The following CNKSR2 variants were observed in gnomAD, a reference collection of about 807,000 sequenced individuals.
The protein encoded by CNKSR2 is connector enhancer of kinase suppressor of Ras 2, also known as CNK homolog protein 2.
In CNKSR2, 14 loss-of-function variants were observed where a neutral mutation model predicts 84.4. That is an observed-to-expected ratio of 0.17 (90% CI 0.11 to 0.26). CNKSR2 has a LOEUF of 0.26. CNKSR2 is among the 10% of genes least tolerant of loss of function. The pLI is 1.00. For synonymous variants in CNKSR2, 275 were observed against 277.9 expected, an observed-to-expected ratio of 0.99 and a Z score of 0.10; for missense variants, 485 against 771.2, an observed-to-expected ratio of 0.63 and a Z score of 4.40.
chrX:21,570,631 T>G (rs1235549133), intron 13 of CNKSR2, among the ~76,000 whole-genome samples: 1 of 112,119 alleles, frequency 8.9e-6, no homozygotes, highest in African/African-American at 3.2e-5. Context: ...ATTTCTAGCT[T>G]TGATTTAAAG....
At chrX:21,430,361 T>C (rs1288711399) in intron 2 of CNKSR2, among the ~76,000 whole-genome samples, 1 of 111,788 alleles carries the variant, frequency 8.9e-6, no homozygotes, top group African/African-American at 3.2e-5. Context: ...TTTTTACTTA[T>C]AAGAAGATTA....
At chrX:21,648,794 C>CT (rs33962399) in intron 20 of CNKSR2, 37 bp from the exon 21 acceptor site, 52,326 of 288,963 alleles carry the variant, frequency 0.18, 3,286 homozygotes, top group Non-Finnish European at 0.21. Context: ...CTCTCTCTTT[C>CT]TTTTTTTTTT....
intron 5 of CNKSR2, among the ~76,000 whole-genome samples, chrX:21,471,553 G>A (rs2091198795): frequency 8.9e-6 from 1 of 112,181 alleles, no homozygotes; most frequent in Non-Finnish European, 1.9e-5. Context: ...TAAGTTTTAT[G>A]TTTCTGAAAT....
intron 20 of CNKSR2, among the ~76,000 whole-genome samples, chrX:21,617,607 T>A (rs2092582980): frequency 9.0e-6 from 1 of 111,590 alleles, no homozygotes; most frequent in East Asian, 2.8e-4. Flanking sequence ...TGGCATGAAT[T>A]TATTTTCCTT....
At chrX:21,650,115 C>T (rs2092717090) in intron 21 of CNKSR2, among the ~76,000 whole-genome samples, 1 of 111,428 alleles carries the variant, frequency 9.0e-6, no homozygotes, top group African/African-American at 3.3e-5. Flanking sequence ...ACTATAAAGA[C>T]ACATGTACAT....
chrX:21,586,726 A>G (rs1170989168), intron 13 of CNKSR2, among the ~76,000 whole-genome samples: 1 of 111,991 alleles, frequency 8.9e-6, no homozygotes, highest in African/African-American at 3.2e-5. Flanking sequence ...GCCACTATCA[A>G]CTAGATACAC....
chrX:21,512,945 C>T (rs2091689745), intron 8 of CNKSR2, among the ~76,000 whole-genome samples: 1 of 111,989 alleles, frequency 8.9e-6, no homozygotes, highest in South Asian at 3.7e-4. Context: ...GCCGAGAAAA[C>T]AATCTCTTTT....
Position 21,563,224 on chromosome X carries a change from C to T in CNKSR2, c.1394-14C>T. The T allele has an allele frequency of 8.7e-7, 1 of 1,145,904 alleles. No homozygotes were observed. The highest frequency in any genetic ancestry group is 1.2e-6 in the Non-Finnish European group (1 of 846,112). 94.4% of individuals were successfully genotyped at this position (1,145,904 alleles called of 1,213,427 possible). A position where few individuals can be genotyped will look rare whatever the true frequency, so the allele number is the denominator to read the frequency against. ...TGTGTATTTATATTGGTGTATTTATCTCTTTTTATATAGAAAACTCTCTAC... is the reference window on the plus strand; with the variant it reads ...TGTGTATTTATATTGGTGTATTTATTTCTTTTTATATAGAAAACTCTCTAC... On this transcript the variant is annotated splice_polypyrimidine_tract_variant and intron_variant, in intron 12 of 21. Coordinates refer to ENST00000379510, the MANE Select transcript of CNKSR2 (RefSeq NM_014927.5).
chrX:21,599,819 C>A (rs1233332008), intron 17 of CNKSR2, among the ~76,000 whole-genome samples: 1 of 111,391 alleles, frequency 9.0e-6, no homozygotes, highest in Non-Finnish European at 1.9e-5. Context: ...CAAATTTAAC[C>A]CCTTTTTCAC....
At chrX:21,584,460 G>A (rs992824462) in intron 13 of CNKSR2, among the ~76,000 whole-genome samples, 1 of 112,186 alleles carries the variant, frequency 8.9e-6, no homozygotes, top group African/African-American at 3.2e-5. Context: ...ATATTTGGAG[G>A]AAGTCCAGGT....
chrX:21,513,379 A>G (rs2091695292), intron 8 of CNKSR2, among the ~76,000 whole-genome samples: 1 of 111,926 alleles, frequency 8.9e-6, no homozygotes, highest in Non-Finnish European at 1.9e-5. Flanking sequence ...AATCTTTGTC[A>G]TCTATTTTCA....
chrX:21,595,082 G>T, intron 16 of CNKSR2, 35 bp downstream of exon 16: 1 of 846,022 alleles, frequency 1.2e-6, no homozygotes, highest in Non-Finnish European at 1.6e-6. Context: ...GGGAACGATA[G>T]TTTTTTTTTT....
intron 1 of CNKSR2, among the ~76,000 whole-genome samples, chrX:21,418,463 T>A (rs1164681346): frequency 4.5e-5 from 5 of 112,068 alleles, no homozygotes; most frequent in Admixed American, 2.8e-4. Context: ...CCTTTAGCAT[T>A]TCTTGCAGGA....
chrX:21,530,877 G>A (rs1024565744), intron 10 of CNKSR2, among the ~76,000 whole-genome samples: 2 of 110,552 alleles, frequency 1.8e-5, no homozygotes, highest in Admixed American at 1.9e-4. Context: ...ATTGCAGTGT[G>A]TGAGTAATAG....
At chrX:21,616,942 CAA>C (rs1205233617) in intron 20 of CNKSR2, among the ~76,000 whole-genome samples, 4 of 111,749 alleles carry the variant, frequency 3.6e-5, no homozygotes, top group African/African-American at 1.3e-4. Context: ...AAAATAATCT[CAA>C]AAGTGTTAGT....
chrX:21,640,597 A>G (rs1387290009), intron 20 of CNKSR2, among the ~76,000 whole-genome samples: 8 of 111,703 alleles, frequency 7.2e-5, no homozygotes, highest in African/African-American at 1.3e-4. Context: ...TTTCTAAGGG[A>G]GGACATAATG....
chrX:21,585,806 CAG>C (rs2092383444), intron 13 of CNKSR2, among the ~76,000 whole-genome samples: 1 of 111,265 alleles, frequency 9.0e-6, no homozygotes, highest in African/African-American at 3.3e-5. Flanking sequence ...CTATAATAAA[CAG>C]AAAGTGCTAG....
At chrX:21,582,707 A>G (rs1256097093) in intron 13 of CNKSR2, among the ~76,000 whole-genome samples, 1 of 112,281 alleles carries the variant, frequency 8.9e-6, no homozygotes, top group Admixed American at 9.4e-5. Flanking sequence ...GTAAGTGCTT[A>G]ATATTGTGCC....
At chrX:21,525,635 T>TA (rs1432263072) in intron 9 of CNKSR2, among the ~76,000 whole-genome samples, 1 of 111,042 alleles carries the variant, frequency 9.0e-6, no homozygotes, top group African/African-American at 3.3e-5. Context: ...CCCAGTGACT[T>TA]ACATTGTACT....
Sources: gnomAD v4.1 joint callset for allele counts (sites outside exome capture counted in the v4.1 genomes callset) on GRCh38, gnomAD v4.1.1 for gene constraint, MANE v1.5 for transcripts, NCBI Gene and HGNC (gene_info 2026-07-23, HGNC 2026-07-21) for gene names.